Variants in ANK2 observed in about 807,000 individuals in gnomAD.
ANK2 encodes ankyrin-2.
ANK2 carries 83 observed loss-of-function variants against 360.5 expected under a neutral mutation model. The observed-to-expected ratio is 0.23, with a 90% CI of 0.19 to 0.28. The LOEUF is 0.28. Among genes scored for constraint, ANK2 ranks in the 10% least tolerant of loss-of-function variants. The probability of loss-of-function intolerance (pLI) is 1.00; values close to 1 mark genes in which losing one functional copy is unlikely to be tolerated. For missense variants in ANK2, 4,201 were observed against 4,795.7 expected (o/e 0.88, Z 3.66); for synonymous variants, 1,740 against 1,759.5 (o/e 0.99, Z 0.28).
chr4:112,832,848 A>C (rs2060099414), intron 1 of ANK2, among the ~76,000 whole-genome samples: 1 of 152,212 alleles, frequency 6.6e-6, no homozygotes, highest in South Asian at 2.1e-4. Context: ...GCTTCAGTTA[A>C]ATCTAAATTG....
At chr4:112,758,426 T>A in the ANK2 span, among the ~76,000 whole-genome samples, 1 of 152,162 alleles carries the variant, frequency 6.6e-6, no homozygotes, top group African/African-American at 2.4e-5. Context: ...TTATTTATTT[T>A]TTGAGATAGA....
At chr4:112,772,117 G>A in the ANK2 span, among the ~76,000 whole-genome samples, 1,086 of 152,144 alleles carry the variant, frequency 7.1e-3, 8 homozygotes, top group Middle Eastern at 0.024. Context: ...CCATTTTCAC[G>A]CTGCTGATAA....
chr4:113,373,606 T>G, intron 45 of ANK2, 157 bp downstream of exon 45: 1 of 841,196 alleles, frequency 1.2e-6, no homozygotes. Flanking sequence ...TTTTCATGAT[T>G]CTATGTGATT....
At chr4:113,225,401 T>G (rs552479992) in intron 4 of ANK2, among the ~76,000 whole-genome samples, 2 of 152,254 alleles carry the variant, frequency 1.3e-5, no homozygotes, top group Admixed American at 6.5e-5. Flanking sequence ...ACAAATCTGG[T>G]GCTATAAAGA....
intron 2 of ANK2, among the ~76,000 whole-genome samples, chr4:112,945,129 C>A (rs2094467515): frequency 1.3e-5 from 2 of 152,182 alleles, no homozygotes; most frequent in South Asian, 4.1e-4. Flanking sequence ...CCACATTGTC[C>A]TCATTTGAGG....
chr4:112,824,573 C>T (rs1449523463), intron 1 of ANK2, among the ~76,000 whole-genome samples: 1 of 150,786 alleles, frequency 6.6e-6, no homozygotes, highest in Non-Finnish European at 1.5e-5. Context: ...GGTGCGATCT[C>T]AGCTCACTGC....
chr4:113,205,739 T>C (rs1654397458), intron 4 of ANK2, among the ~76,000 whole-genome samples: 1 of 152,180 alleles, frequency 6.6e-6, no homozygotes, highest in Non-Finnish European at 1.5e-5. Flanking sequence ...TGGCTTCCAA[T>C]AGTTTTTTCT....
chr4:112,825,783 A>G (rs2058297196), intron 1 of ANK2, among the ~76,000 whole-genome samples: 1 of 152,224 alleles, frequency 6.6e-6, no homozygotes, highest in South Asian at 2.1e-4. Context: ...AAGAGTAGAC[A>G]GTTGTGGAAA....
intron 1 of ANK2, among the ~76,000 whole-genome samples, chr4:113,134,844 A>AT (rs1381845040): frequency 2.0e-5 from 3 of 152,160 alleles, no homozygotes; most frequent in Admixed American, 6.5e-5. Flanking sequence ...GAACTTTGCC[A>AT]TGTAGTTTAA....
chr4:113,288,241 A>G, intron 19 of ANK2, 147 bp from the exon 20 acceptor site: 2 of 708,624 alleles, frequency 2.8e-6, no homozygotes, highest in South Asian at 1.9e-5. Context: ...TCAGGGGCAC[A>G]TATATAATCT....
chr4:113,096,386 T>G (rs2154356541), intron 1 of ANK2, among the ~76,000 whole-genome samples: 1 of 152,284 alleles, frequency 6.6e-6, no homozygotes, highest in South Asian at 2.1e-4. Context: ...GTTGGTAACC[T>G]GGGGCTGGTA....
At chr4:113,049,548 C>T (rs1289695984), upstream of ANK2, 2 of 1,214,730 alleles carry the variant, frequency 1.6e-6, no homozygotes, top group Non-Finnish European at 2.2e-6. Flanking sequence ...ACAATGCAGT[C>T]AGATAAACAG....
At chr4:112,849,482 A>G (rs1477200834) in intron 1 of ANK2, among the ~76,000 whole-genome samples, 1 of 152,170 alleles carries the variant, frequency 6.6e-6, no homozygotes, top group Non-Finnish European at 1.5e-5. Flanking sequence ...TTCACTGCAC[A>G]TACCTGGTTT....
intron 2 of ANK2, among the ~76,000 whole-genome samples, chr4:112,950,525 C>T (rs554072300): frequency 1.5e-4 from 23 of 151,216 alleles, no homozygotes; most frequent in Admixed American, 1.2e-3. Flanking sequence ...GCACCTGTAG[C>T]CCCAGCTACT....
chr4:113,298,026 C>T (rs2072849862), intron 22 of ANK2, among the ~76,000 whole-genome samples: 1 of 152,020 alleles, frequency 6.6e-6, no homozygotes, highest in Admixed American at 6.6e-5. Flanking sequence ...CCTGCCTTGG[C>T]CTCCCAAAAT....
chr4:112,914,710 C>T (rs1054257029), intron 2 of ANK2, among the ~76,000 whole-genome samples: 2 of 152,140 alleles, frequency 1.3e-5, no homozygotes, highest in Non-Finnish European at 2.9e-5. Flanking sequence ...GGACCCAGCC[C>T]ATGTGGCTTC....
At chr4:113,283,865 T>C (rs2063364419) in intron 18 of ANK2, among the ~76,000 whole-genome samples, 2 of 152,254 alleles carry the variant, frequency 1.3e-5, no homozygotes, top group African/African-American at 4.8e-5. Context: ...TCATTGTTAG[T>C]TGGTACTTTT....
the ANK2 span, among the ~76,000 whole-genome samples, chr4:112,769,076 A>G: frequency 1.3e-5 from 2 of 152,188 alleles, no homozygotes; most frequent in Non-Finnish European, 2.9e-5. Context: ...CTGGGCTTTC[A>G]CATGTTAGGG....
intron 22 of ANK2, among the ~76,000 whole-genome samples, chr4:113,302,434 T>G (rs984153623): frequency 6.6e-6 from 1 of 152,220 alleles, no homozygotes; most frequent in African/African-American, 2.4e-5. Context: ...ACTTAGTTCA[T>G]TTTAGGGAAG....
Sources: allele counts gnomAD v4.1 joint callset (sites outside exome capture counted in the v4.1 genomes callset), GRCh38; gene constraint gnomAD v4.1.1; transcripts MANE v1.5; gene names NCBI Gene and HGNC (gene_info 2026-07-23, HGNC 2026-07-21).